Variants in JMJD1C observed in about 807,000 individuals in gnomAD.
JMJD1C encodes the protein jumonji domain containing 1C.
In JMJD1C, 31 loss-of-function variants were observed where a neutral mutation model predicts 245.3. The observed-to-expected ratio is 0.13, with a 90% CI of 0.09 to 0.17. The LOEUF is 0.17. Among genes scored for constraint, JMJD1C ranks in the 10% least tolerant of loss-of-function variants. The pLI, the probability that JMJD1C is intolerant of heterozygous loss-of-function variation, is 1.00. For synonymous variants in JMJD1C, 1,057 were observed against 1,017.4 expected, an observed-to-expected ratio of 1.04 and a Z score of -0.74; for missense variants, 2,691 against 3,000.2, an observed-to-expected ratio of 0.90 and a Z score of 2.41.
rs1421286424 is a variant in JMJD1C at position 63,374,697 on chromosome 10, A to G, written c.333+5621T>C. 2.0e-5 allele frequency among the ~76,000 whole-genome samples: 3 copies of G among 152,200 alleles called. No individual in the cohort carries two copies. The East Asian group carries it at 5.8e-4, about 29-fold the overall frequency. ...CTAGAACTGGAAACTACAATGTCAA[A>G]CATTAAGGAAATGGGTCATTATAAG... On this transcript the variant is annotated intron_variant, in intron 2 of 25. Transcript: ENST00000399262.
At chr10:63,182,500 TTA>T (rs1843610667) in intron 22 of JMJD1C, among the ~76,000 whole-genome samples, 1 of 152,318 alleles carries the variant, frequency 6.6e-6, no homozygotes, top group African/African-American at 2.4e-5. Flanking sequence ...AAAATATTTC[TTA>T]TGAGGGTAGA....
At chr10:63,248,263 C>T (rs1372368373) in intron 3 of JMJD1C, among the ~76,000 whole-genome samples, 4 of 151,954 alleles carry the variant, frequency 2.6e-5, no homozygotes, top group Non-Finnish European at 4.4e-5. Context: ...GAGATCGAGA[C>T]CAGCCTGACC....
At chr10:63,465,273 T>A in intron 1 of JMJD1C, 1 of 530,668 alleles carries the variant, frequency 1.9e-6, no homozygotes, top group South Asian at 2.7e-5. Flanking sequence ...TCCGCGGCTA[T>A]CCCGGGAGTC....
In JMJD1C at chr10:63,397,115, A is replaced by T. The variant is rs578173542; in HGVS notation, c.169-16633T>A. ...TCAAACCCTATTAATAATTGTTTTG[A>T]TCTCTTCATTCTTACTGGATCCACT... On this transcript the variant is annotated intron_variant, in intron 1 of 25. Transcript: ENST00000399262. Among the ~76,000 whole-genome samples the T allele has an allele frequency of 2.0e-5, 3 of 152,186 alleles. No homozygotes were observed. The South Asian group carries it at 6.2e-4, about 32-fold the overall frequency.
At chr10:63,312,769 C>T (rs974180868) in intron 2 of JMJD1C, among the ~76,000 whole-genome samples, 2 of 152,044 alleles carry the variant, frequency 1.3e-5, no homozygotes, top group East Asian at 1.9e-4. Context: ...AAATTTTTTG[C>T]TAAATGTATT....
intron 2 of JMJD1C, among the ~76,000 whole-genome samples, chr10:63,295,960 T>TACAC (rs1564748088): frequency 9.4e-4 from 5 of 5,310 alleles, no homozygotes; most frequent in East Asian, 3.2e-3. Flanking sequence ...TACACGTATA[T>TACAC]GTGTGTGTGT....
intron 2 of JMJD1C, among the ~76,000 whole-genome samples, chr10:63,330,078 T>C (rs887278760): frequency 2.0e-5 from 3 of 151,960 alleles, no homozygotes; most frequent in Non-Finnish European, 4.4e-5. Context: ...TTTTTTATAT[T>C]TTTAGTAGAG....
intron 11 of JMJD1C, among the ~76,000 whole-genome samples, chr10:63,199,893 G>T (rs968232228): frequency 2.0e-5 from 3 of 152,100 alleles, no homozygotes; most frequent in African/African-American, 4.8e-5. Flanking sequence ...TACACTTAAG[G>T]ACTTGGCATA....
intron 1 of JMJD1C, among the ~76,000 whole-genome samples, chr10:63,483,686 G>A (rs966400234): frequency 2.6e-5 from 4 of 152,082 alleles, no homozygotes; most frequent in Non-Finnish European, 4.4e-5. Context: ...ATGCATTTTA[G>A]TATCTTGATT....
chr10:63,465,262 C>T (rs1221973513), intron 1 of JMJD1C: 4 of 515,198 alleles, frequency 7.8e-6, no homozygotes, highest in Non-Finnish European at 1.0e-5. Context: ...CCAGGGCAGC[C>T]TCCGCGGCTA....
chr10:63,198,774 A>AT (rs781338220), intron 11 of JMJD1C, 47 bp from the exon 12 acceptor site: 4 of 1,102,962 alleles, frequency 3.6e-6, no homozygotes, highest in Non-Finnish European at 5.2e-6. Flanking sequence ...ATATTAAAAC[A>AT]TAAGTCCAGT....
intron 2 of JMJD1C, among the ~76,000 whole-genome samples, chr10:63,289,548 C>T (rs1392470291): frequency 6.6e-6 from 1 of 152,156 alleles, no homozygotes; most frequent in African/African-American, 2.4e-5. Context: ...GTTTCAAGAG[C>T]AGTGACTTGC....
intron 23 of JMJD1C, 94 bp downstream of exon 23, chr10:63,177,623 G>C: frequency 7.7e-7 from 1 of 1,290,440 alleles, no homozygotes. Context: ...ATTATGTAAT[G>C]GTCTTATATT....
At chr10:63,176,689 A>C in intron 23 of JMJD1C, 1 of 461,368 alleles carries the variant, frequency 2.2e-6, no homozygotes, top group Non-Finnish European at 3.9e-6. Flanking sequence ...TGCTCTTAAC[A>C]GTTTACTACT....
intron 2 of JMJD1C, among the ~76,000 whole-genome samples, chr10:63,300,543 A>G (rs1464935581): frequency 6.6e-6 from 1 of 152,158 alleles, no homozygotes; most frequent in Non-Finnish European, 1.5e-5. Flanking sequence ...CTGAATCTTC[A>G]TATCATGTGA....
Position 63,380,413 on chromosome 10 carries a change from T to C in JMJD1C, c.238A>G (p.Thr80Ala), listed in dbSNP as rs377459705. Residue 80 changes from threonine to alanine, a missense_variant, in exon 2 of 26, where the codon ACT (threonine) becomes GCT (alanine). Thr to Ala is a moderately conservative substitution (Grantham distance 58, BLOSUM62 0). Transcript: ENST00000399262. ...EWVKVYEDFSTFLVEYHLIWA... is the reference protein window; with the variant it reads ...EWVKVYEDFSAFLVEYHLIWA... ...ATTAAGTGGTATTCCACCAAGAAAG[T>C]TGAAAAATCTTCATAAACTTTAACC... 32 of 1,613,880 alleles carry C rather than the reference T, an allele frequency of 2.0e-5. No homozygotes were observed. The highest frequency in any genetic ancestry group is 1.3e-4 in the East Asian group (6 of 44,868).
At chr10:63,186,928 C>T (rs1844198421) in intron 18 of JMJD1C, among the ~76,000 whole-genome samples, 1 of 152,122 alleles carries the variant, frequency 6.6e-6, no homozygotes, top group Non-Finnish European at 1.5e-5. Flanking sequence ...TGTAGCAATG[C>T]ATTCTTGTAG....
chr10:63,202,863 C>G (rs187706929), intron 10 of JMJD1C: 1 of 978,108 alleles, frequency 1.0e-6, no homozygotes, highest in Non-Finnish European at 1.2e-6. Context: ...ATTTGGAACA[C>G]TTGCTTCTAA....
chr10:63,214,432 C>T lies in JMJD1C; in HGVS notation c.1735G>A (p.Val579Ile), dbSNP rs781531640. The change falls in exon 8 of 26, where the codon GTT becomes ATT. Residue 579 changes from valine to isoleucine, a missense_variant. Physicochemically the swap from Val to Ile is conservative, Grantham distance 29. Coordinates refer to ENST00000399262, the MANE Select transcript of JMJD1C (RefSeq NM_032776.3). Reference protein sequence around the residue: ...VVKVDLTQSSVTNASSGNDHL... With the variant: ...VVKVDLTQSSITNASSGNDHL... ...TCATTTCCTGAAGAAGCATTTGTAA[C>T]ACTTGATTGGGTTAGATCCACTTTA... The T allele has an allele frequency of 1.9e-6, 3 of 1,613,890 alleles. No homozygotes were observed. Among genetic ancestry groups the T allele is most frequent in the Non-Finnish European group, 2.5e-6 (3 of 1,179,934 alleles).
Sources: gnomAD v4.1 joint callset for allele counts (sites outside exome capture counted in the v4.1 genomes callset) on GRCh38, gnomAD v4.1.1 for gene constraint, MANE v1.5 for transcripts, NCBI Gene and HGNC (gene_info 2026-07-23, HGNC 2026-07-21) for gene names.